ST6GALNAC3: variants seen among roughly 807,000 people sequenced by gnomAD.
ST6GALNAC3 encodes the protein alpha-N-acetylgalactosaminide alpha-2,6-sialyltransferase 3.
Under a neutral mutation model 32.7 loss-of-function variants are expected in ST6GALNAC3, and 25 were observed. The observed-to-expected ratio is 0.76, with a 90% CI of 0.56 to 1.07. The LOEUF is 1.07. Ranked by LOEUF, ST6GALNAC3 falls within the 50% of genes least tolerant of loss-of-function variation. ST6GALNAC3 has a pLI of 0.00. For missense variants in ST6GALNAC3, 355 were observed against 382.4 expected, an observed-to-expected ratio of 0.93 and a Z score of 0.60; for synonymous variants, 129 against 133.1, an observed-to-expected ratio of 0.97 and a Z score of 0.21.
chr1:76,417,220 T>C (rs1654708806), intron 3 of ST6GALNAC3, among the ~76,000 whole-genome samples: 1 of 151,142 alleles, frequency 6.6e-6, no homozygotes, highest in African/African-American at 2.4e-5. Flanking sequence ...TTTTTTTCTT[T>C]CTTTCTTTTT....
chr1:76,587,313 C>T (rs1646976516), intron 3 of ST6GALNAC3, among the ~76,000 whole-genome samples: 1 of 152,172 alleles, frequency 6.6e-6, no homozygotes. Context: ...CTGGTCAGTA[C>T]ACAGTGAGTG....
chr1:76,499,022 T>C (rs984039659), intron 3 of ST6GALNAC3, among the ~76,000 whole-genome samples: 1 of 152,154 alleles, frequency 6.6e-6, no homozygotes, highest in Admixed American at 6.6e-5. Flanking sequence ...AGGGTTAATT[T>C]TCTTAATATA....
At chr1:76,429,030 T>G (rs1460938346) in intron 3 of ST6GALNAC3, among the ~76,000 whole-genome samples, 1 of 152,132 alleles carries the variant, frequency 6.6e-6, no homozygotes, top group Non-Finnish European at 1.5e-5. Flanking sequence ...TATAAAAAAG[T>G]TTCTCAGATT....
At chr1:76,267,062 G>A (rs1175412623) in intron 1 of ST6GALNAC3, among the ~76,000 whole-genome samples, 2 of 152,188 alleles carry the variant, frequency 1.3e-5, no homozygotes, top group African/African-American at 4.8e-5. Flanking sequence ...TTGGCCAAGT[G>A]CCCACTTTCT....
intron 1 of ST6GALNAC3, among the ~76,000 whole-genome samples, chr1:76,198,216 A>T (rs960841642): frequency 6.6e-6 from 1 of 152,084 alleles, no homozygotes; most frequent in African/African-American, 2.4e-5. Flanking sequence ...AAAAAAAATT[A>T]GTAGATATGA....
intron 3 of ST6GALNAC3, among the ~76,000 whole-genome samples, chr1:76,560,848 A>G (rs902475933): frequency 6.6e-6 from 1 of 152,222 alleles, no homozygotes; most frequent in African/African-American, 2.4e-5. Context: ...TAACCAAAAG[A>G]AAGGAAATCA....
At chr1:76,340,453 A>T (rs1042061629) in intron 2 of ST6GALNAC3, among the ~76,000 whole-genome samples, 7 of 152,168 alleles carry the variant, frequency 4.6e-5, no homozygotes, top group Non-Finnish European at 1.0e-4. Context: ...GGCCCAGAGC[A>T]GTCGGCTTTT....
At chr1:76,228,304 A>G (rs1656185811) in intron 1 of ST6GALNAC3, among the ~76,000 whole-genome samples, 1 of 152,210 alleles carries the variant, frequency 6.6e-6, no homozygotes. Context: ...CTCTGCCACT[A>G]AAGTGTAGCT....
At chr1:76,584,061 C>T (rs1646927715) in intron 3 of ST6GALNAC3, among the ~76,000 whole-genome samples, 2 of 152,158 alleles carry the variant, frequency 1.3e-5, no homozygotes, top group Admixed American at 1.3e-4. Flanking sequence ...CAATTAAGTG[C>T]TTTTCACTAT....
At chr1:76,480,304 C>T (rs1335843772) in intron 3 of ST6GALNAC3, among the ~76,000 whole-genome samples, 1 of 152,114 alleles carries the variant, frequency 6.6e-6, no homozygotes, top group African/African-American at 2.4e-5. Flanking sequence ...CAAGAGTTAT[C>T]TCCTGCATTT....
At chr1:76,503,056 T>G (rs1045865270) in intron 3 of ST6GALNAC3, among the ~76,000 whole-genome samples, 19 of 152,292 alleles carry the variant, frequency 1.2e-4, no homozygotes, top group African/African-American at 4.3e-4. Context: ...CTAAATAACC[T>G]GAAACGGAAC....
intron 1 of ST6GALNAC3, among the ~76,000 whole-genome samples, chr1:76,278,228 T>G (rs1435766518): frequency 9.1e-6 from 1 of 109,788 alleles, no homozygotes; most frequent in Admixed American, 8.9e-5. Context: ...GCATTCTTTT[T>G]TTTTTTTTTT....
intron 3 of ST6GALNAC3, among the ~76,000 whole-genome samples, chr1:76,580,796 G>A (rs763736626): frequency 2.9e-4 from 44 of 152,266 alleles, no homozygotes; most frequent in African/African-American, 3.8e-4. Context: ...TGATAAGAGA[G>A]AGTTGATATT....
intron 3 of ST6GALNAC3, among the ~76,000 whole-genome samples, chr1:76,476,660 T>A (rs546950577): frequency 4.6e-5 from 7 of 152,300 alleles, no homozygotes; most frequent in Non-Finnish European, 8.8e-5. Flanking sequence ...AACCATATCC[T>A]TGTGCTTTGC....
rs758126411 is a variant in ST6GALNAC3 at position 76,628,992 on chromosome 1, G to T, written c.*186G>T. On this transcript the variant is annotated 3_prime_UTR_variant, in exon 5 of 5. Coordinates refer to ENST00000328299, the MANE Select transcript of ST6GALNAC3 (RefSeq NM_152996.4). ...TTAAACTTGGCATTTCATGGAGGAT[G>T]GTTGTGCTCATGATGTTCTTTCTGG... is the stretch of plus-strand genomic sequence containing the variant. 4.2e-5 allele frequency: 59 copies of T among 1,398,660 alleles called. No homozygotes were observed. Among genetic ancestry groups the T allele is most frequent in the Non-Finnish European group, 5.0e-5 (54 of 1,083,236 alleles). 86.6% of individuals were successfully genotyped at this position (1,398,660 alleles called of 1,614,324 possible). A position where few individuals can be genotyped will look rare whatever the true frequency, so the allele number is the denominator to read the frequency against.
At chr1:76,412,945 A>G (rs1175806209) in intron 3 of ST6GALNAC3, 1 of 332,374 alleles carries the variant, frequency 3.0e-6, no homozygotes, top group South Asian at 2.6e-5. Flanking sequence ...GCAGAATACC[A>G]TATTGAAATT....
chr1:76,529,341 C>A (rs1340439177), intron 3 of ST6GALNAC3, among the ~76,000 whole-genome samples: 1 of 152,152 alleles, frequency 6.6e-6, no homozygotes, highest in African/African-American at 2.4e-5. Context: ...AAGCAGGAAC[C>A]TTTTCTGTCT....
intron 1 of ST6GALNAC3, among the ~76,000 whole-genome samples, chr1:76,160,687 A>G (rs1011708663): frequency 5.3e-5 from 8 of 152,202 alleles, no homozygotes; most frequent in Admixed American, 5.2e-4. Flanking sequence ...CATTGCTTCC[A>G]TCACGGAGAA....
At position 76,217,915 on chromosome 1, in the gene ST6GALNAC3, G is replaced by T. The variant is rs79999140; in HGVS notation, c.19-95890G>T. Among the ~76,000 whole-genome samples the T allele has an allele frequency of 2.0e-5, 3 of 152,098 alleles. No homozygotes were observed. In the East Asian group the frequency reaches 5.8e-4, roughly 29 times the overall value. The stretch of plus-strand genomic sequence containing the variant: ...ACCACATTTTCTTTATCAGCTTGTT[G>T]GCGGATGGACATTTGGGTTGGTTTT... On this transcript the variant is annotated intron_variant, in intron 1 of 4. Coordinates refer to ENST00000328299, the MANE Select transcript of ST6GALNAC3 (RefSeq NM_152996.4).
Sources: allele counts gnomAD v4.1 joint callset (sites outside exome capture counted in the v4.1 genomes callset), GRCh38; gene constraint gnomAD v4.1.1; transcripts MANE v1.5; gene names NCBI Gene and HGNC (gene_info 2026-07-23, HGNC 2026-07-21).